Variants in DAZAP1 observed in about 807,000 individuals in gnomAD.
DAZAP1 encodes the protein DAZ associated protein 1, also known as DAZ-associated protein 1.
A neutral mutation model predicts 60.1 loss-of-function variants in DAZAP1; 6 were observed. The observed-to-expected ratio is 0.10, with a 90% confidence interval of 0.05 to 0.20. The LOEUF (loss-of-function observed/expected upper bound fraction) is 0.20, where lower values mean the gene tolerates loss of function less well. Among genes scored for constraint, DAZAP1 ranks in the 10% least tolerant of loss-of-function variants. The pLI is 1.00. For synonymous variants in DAZAP1, 235 were observed against 215.9 expected (o/e 1.09, Z -0.78); for missense variants, 366 against 560.4 (o/e 0.65, Z 3.50).
chr19:1,413,072 A>G (rs1243985633), intron 1 of DAZAP1, among the ~76,000 whole-genome samples: 3 of 152,122 alleles, frequency 2.0e-5, no homozygotes, highest in East Asian at 3.9e-4. Flanking sequence ...CAGGAGCCAC[A>G]TTGCTCACCG....
intron 9 of DAZAP1, 25 bp from the exon 10 acceptor site, chr19:1,430,197 A>C: frequency 6.3e-7 from 1 of 1,583,872 alleles, no homozygotes; most frequent in Non-Finnish European, 8.6e-7. Context: ...CTCTCTGTCC[A>C]TCACCCCCGT....
In DAZAP1 at chr19:1,422,838, T is replaced by A. The variant is rs1600221323; in HGVS notation, c.463+442T>A. ...GCTTTTTTTTTCTTTCTTTCTTTTTTCCTTTTCTTTTCTTTTTCTTTTTTT... is the reference window on the plus strand; with the variant it reads ...GCTTTTTTTTTCTTTCTTTCTTTTTACCTTTTCTTTTCTTTTTCTTTTTTT... On this transcript the variant is annotated intron_variant, in intron 6 of 11. Transcript: ENST00000233078. This position sits in a 1 kb window ranked among gnomAD's most constrained non-coding sequence, Gnocchi z 4.5. 7.3e-6 allele frequency among the ~76,000 whole-genome samples: 1 copy of A among 136,410 alleles called. No individual in the cohort carries two copies. The highest frequency in any genetic ancestry group is 1.5e-5 in the Non-Finnish European group (1 of 67,710). 89.5% of individuals were successfully genotyped at this position (136,410 alleles called of 152,430 possible). A position where few individuals can be genotyped will look rare whatever the true frequency, so the allele number is the denominator to read the frequency against.
chr19:1,424,659 C>T (rs888369468), intron 6 of DAZAP1, among the ~76,000 whole-genome samples: 2 of 152,096 alleles, frequency 1.3e-5, no homozygotes, highest in Admixed American at 6.5e-5. Flanking sequence ...TTCTCTGCCG[C>T]GCTCGTTCAC....
intron 4 of DAZAP1, among the ~76,000 whole-genome samples, chr19:1,420,897 G>T (rs558610318): frequency 6.6e-6 from 1 of 152,328 alleles, no homozygotes; most frequent in South Asian, 2.1e-4. Context: ...GCACTGTGTC[G>T]TGGGTCCGTT....
At chr19:1,414,958 C>T (rs998545237) in intron 1 of DAZAP1, among the ~76,000 whole-genome samples, 1 of 151,866 alleles carries the variant, frequency 6.6e-6, no homozygotes, top group Non-Finnish European at 1.5e-5. Flanking sequence ...GTAGCTGGGA[C>T]TACAGGTGCC....
intron 1 of DAZAP1, chr19:1,415,673 A>G (rs773681872): frequency 6.6e-6 from 1 of 152,034 alleles, no homozygotes; most frequent in Non-Finnish European, 1.5e-5. Flanking sequence ...CCTGACCTCA[A>G]CGCTCCCTGG....
Position 1,434,881 on chromosome 19 carries a change from A to G in DAZAP1, c.1193A>G (p.Asn398Ser). 1.3e-6 allele frequency: 2 copies of G among 1,583,312 alleles called. No homozygotes were observed. The highest frequency in any genetic ancestry group is 1.7e-6 in the Non-Finnish European group (2 of 1,165,596). ...GGCTTTGGACGAGGGCAGAACCACA[A>G]CGTGCAAGGGTTCCACCCCTACCGA... Reference protein sequence around the residue: ...GSGFGRGQNHNVQGFHPYRR With the variant: ...GSGFGRGQNHSVQGFHPYRR The change falls in exon 12 of 12, where the codon AAC (asparagine) becomes AGC (serine). Residue 398 changes from asparagine to serine, a missense_variant. By Grantham distance (46) the Asn-to-Ser change is conservative (BLOSUM62 1). Coordinates refer to ENST00000233078, the MANE Select transcript of DAZAP1 (RefSeq NM_018959.4). This position sits in a 1 kb window ranked among gnomAD's most constrained non-coding sequence, Gnocchi z 8.0.
chr19:1,425,903 C>T lies in DAZAP1; in HGVS notation c.489C>T (p.Asp163=), dbSNP rs2083294896. The T allele has an allele frequency of 1.2e-6, 2 of 1,613,508 alleles. No individual in the cohort carries two copies. Among genetic ancestry groups the T allele is most frequent in the Non-Finnish European group, 8.5e-7 (1 of 1,179,444 alleles). The change falls in exon 7 of 12, where the codon GAC becomes GAT. Residue 163 remains aspartate, a synonymous_variant. Transcript: ENST00000233078. The surrounding 1 kb of genome is among the most constrained non-coding windows in gnomAD (Gnocchi z 5.4). The part of the protein sequence containing the change: ...PRGFGFITFE[D]EQSVDQAVNM... Reference sequence around the variant, plus strand: ...GTTTTGGATTTATTACTTTCGAGGACGAACAATCAGTGGACCAGGCTGTCA... The same window carrying T: ...GTTTTGGATTTATTACTTTCGAGGATGAACAATCAGTGGACCAGGCTGTCA...
rs1950397517 is a variant in DAZAP1 at position 1,434,648 on chromosome 19, C to G, written c.1049-89C>G. 1 of 1,437,136 alleles carries G rather than the reference C, an allele frequency of 7.0e-7. No homozygotes were observed. Among genetic ancestry groups the G allele is most frequent in the Non-Finnish European group, 9.6e-7 (1 of 1,041,902 alleles). The allele number at this position is 1,437,136 out of a possible 1,614,324, so 89.0% of individuals were successfully genotyped here. On this transcript the variant is annotated intron_variant, in intron 11 of 11. Coordinates refer to ENST00000233078, the MANE Select transcript of DAZAP1 (RefSeq NM_018959.4). This position sits in a 1 kb window ranked among gnomAD's most constrained non-coding sequence, Gnocchi z 8.0. Reference sequence around the variant, plus strand: ...GTGGGACCCGTGGACTCAAGGCAGGCTCGGCGGAGCTGTGTCCAGGTGGCC... The same window carrying G: ...GTGGGACCCGTGGACTCAAGGCAGGGTCGGCGGAGCTGTGTCCAGGTGGCC...
chr19:1,430,139 C>G, intron 9 of DAZAP1, 83 bp from the exon 10 acceptor site: 1 of 1,499,788 alleles, frequency 6.7e-7, no homozygotes, highest in Non-Finnish European at 9.2e-7. Context: ...CCTGCTAGGG[C>G]CCCTGGCAGG....
rs777190927 is a variant in DAZAP1, at chr19:1,418,172, GTGTT to G, written c.71-28_71-25del. The G allele has an allele frequency of 6.2e-7, 1 of 1,612,410 alleles. No individual in the cohort carries two copies. The highest frequency in any genetic ancestry group is 1.7e-5 in the Admixed American group (1 of 59,982). On this transcript the variant is annotated intron_variant, in intron 2 of 11. Coordinates refer to ENST00000233078, the MANE Select transcript of DAZAP1 (RefSeq NM_018959.4). The surrounding 1 kb of genome is among the most constrained non-coding windows in gnomAD (Gnocchi z 5.7). ...CACGTGCCTAATGCTCTGGCCCTGT[GTGTT>G]TGTGTTTTCTTCCCGATTTCTGAGC...
rs1389132151 is a variant in DAZAP1, at chr19:1,416,928, TG to T, written c.30-568del. On this transcript the variant is annotated intron_variant, in intron 1 of 11. Coordinates refer to ENST00000233078, the MANE Select transcript of DAZAP1 (RefSeq NM_018959.4). This position sits in a 1 kb window ranked among gnomAD's most constrained non-coding sequence, Gnocchi z 4.3. ...CGCGGGTTTGTCGGGGGTAAGTAAG[TG>T]GGGCCAGTGCTGAGACTGGAGCTTC... is the stretch of plus-strand genomic sequence containing the variant. 6.5e-6 allele frequency: 1 copy of T among 154,416 alleles called. No homozygotes were observed. Among genetic ancestry groups the T allele is most frequent in the African/African-American group, 2.4e-5 (1 of 41,366 alleles). The allele number at this position is 154,416 out of a possible 1,614,324, so 9.6% of individuals were successfully genotyped here. A position where few individuals can be genotyped will look rare whatever the true frequency, so the allele number is the denominator to read the frequency against.
intron 1 of DAZAP1, among the ~76,000 whole-genome samples, chr19:1,415,353 A>ATGTG (rs61360796): frequency 0.15 from 15,949 of 109,132 alleles, 1,345 homozygotes; most frequent in African/African-American, 0.19. Flanking sequence ...TCAGGGTTTT[A>ATGTG]TGTGTGTGTG....
chr19:1,429,028 T>C (rs1339809921), intron 8 of DAZAP1, 33 bp downstream of exon 8: 3 of 1,539,222 alleles, frequency 1.9e-6, no homozygotes, highest in South Asian at 1.2e-5. Flanking sequence ...CACGGGAATG[T>C]CCCCCTTCTC....
At chr19:1,412,316 C>T (rs545861747) in intron 1 of DAZAP1, among the ~76,000 whole-genome samples, 2 of 152,276 alleles carry the variant, frequency 1.3e-5, no homozygotes, top group East Asian at 3.9e-4. Flanking sequence ...GGTTTCCCAC[C>T]TGGTCTTAGG....
intron 9 of DAZAP1, 73 bp downstream of exon 9, chr19:1,430,069 G>A: frequency 6.3e-7 from 1 of 1,581,576 alleles, no homozygotes. Flanking sequence ...GTGTCCTGGG[G>A]CAGCCGGCAA....
rs1008947140 is a variant in DAZAP1 at position 1,434,423 on chromosome 19, C to T, written c.1049-314C>T. 2 of 329,252 alleles carry T rather than the reference C, an allele frequency of 6.1e-6. No homozygotes were observed. The highest frequency in any genetic ancestry group is 4.7e-5 in the Admixed American group (1 of 21,342). The allele number at this position is 329,252 out of a possible 1,614,324, so 20.4% of individuals were successfully genotyped here. On this transcript the variant is annotated intron_variant, in intron 11 of 11. Transcript: ENST00000233078. The surrounding 1 kb of genome is among the most constrained non-coding windows in gnomAD (Gnocchi z 8.0). ...CCATGTGTGTCTCCAAGCCCCGAGGCTTCTCTACCTCCCCTCACCCCCCCA... is the reference window on the plus strand; with the variant it reads ...CCATGTGTGTCTCCAAGCCCCGAGGTTTCTCTACCTCCCCTCACCCCCCCA...
rs2083186524 is a variant in DAZAP1, at chr19:1,422,494, C to G, written c.463+98C>G. On this transcript the variant is annotated intron_variant, in intron 6 of 11. Coordinates refer to ENST00000233078, the MANE Select transcript of DAZAP1 (RefSeq NM_018959.4). The surrounding 1 kb of genome is among the most constrained non-coding windows in gnomAD (Gnocchi z 4.5). ...AGGCACACACAGGTGGCGGCTGTAG[C>G]AAACAGCCTCAGGAAGGGACGATTT... 2.6e-6 allele frequency: 3 copies of G among 1,152,194 alleles called. No homozygotes were observed. In the Admixed American group the frequency reaches 5.7e-5, roughly 22 times the overall value. The allele number at this position is 1,152,194 out of a possible 1,614,324, so 71.4% of individuals were successfully genotyped here.
At chr19:1,415,389 G>GTGTTTTT (rs751334899) in intron 1 of DAZAP1, among the ~76,000 whole-genome samples, 1 of 127,580 alleles carries the variant, frequency 7.8e-6, no homozygotes, top group African/African-American at 3.0e-5. Flanking sequence ...GTGTGTGTGT[G>GTGTTTTT]TTTTGTTTTT....
Sources: allele counts gnomAD v4.1 joint callset (sites outside exome capture counted in the v4.1 genomes callset), GRCh38; gene constraint gnomAD v4.1.1; non-coding constraint Gnocchi (gnomAD v3.1); transcripts MANE v1.5; gene names NCBI Gene and HGNC (gene_info 2026-07-23, HGNC 2026-07-21).